Variants in DLG2 observed in about 807,000 individuals in gnomAD.
DLG2 encodes disks large homolog 2.
Under a neutral mutation model 132.5 loss-of-function variants are expected in DLG2, and 45 were observed. The observed-to-expected ratio is 0.34, with a 90% CI of 0.27 to 0.44. The LOEUF is 0.44. Among genes scored for constraint, DLG2 ranks in the 20% least tolerant of loss-of-function variants. DLG2 has a pLI of 1.00. For missense variants in DLG2, 1,045 were observed against 1,196.9 expected (o/e 0.87, Z 1.87); for synonymous variants, 424 against 419.6 (o/e 1.01, Z -0.13).
At chr11:85,234,405 C>A (rs1190400739) in intron 4 of DLG2, among the ~76,000 whole-genome samples, 1 of 151,906 alleles carries the variant, frequency 6.6e-6, no homozygotes, top group Non-Finnish European at 1.5e-5. Context: ...TGTTTGTTAT[C>A]TCTAGGTGTA....
intron 6 of DLG2, among the ~76,000 whole-genome samples, chr11:84,793,086 T>A (rs917420884): frequency 2.6e-5 from 4 of 152,158 alleles, no homozygotes; most frequent in Non-Finnish European, 1.5e-5. Flanking sequence ...TTTCACTGTA[T>A]CCCATAGGTT....
intron 21 of DLG2, among the ~76,000 whole-genome samples, chr11:83,525,662 G>T (rs2095589186): frequency 6.6e-6 from 1 of 152,176 alleles, no homozygotes; most frequent in African/African-American, 2.4e-5. Flanking sequence ...GCCCCCTGGA[G>T]TGCAGCAGTA....
intron 18 of DLG2, among the ~76,000 whole-genome samples, chr11:83,751,504 A>ACT (rs1412563012): frequency 6.6e-6 from 1 of 152,214 alleles, no homozygotes; most frequent in East Asian, 1.9e-4. Flanking sequence ...GACCATTAGG[A>ACT]GTCAGTTGCA....
intron 3 of DLG2, among the ~76,000 whole-genome samples, chr11:85,595,626 T>C (rs938667143): frequency 6.6e-6 from 1 of 152,116 alleles, no homozygotes; most frequent in East Asian, 1.9e-4. Context: ...CTCTCAGTTA[T>C]TGGCAAATAA....
In DLG2 at chr11:84,050,126, T is replaced by C. The variant is rs565557711; in HGVS notation, c.919+9189A>G. On this transcript the variant is annotated intron_variant, in intron 11 of 27. Transcript: ENST00000376104. ...GATCACAGAGTGCCTAAAATGCTAC[T>C]TACTGGCAATGAAAAACTACTGGAG... 8.0e-4 allele frequency among the ~76,000 whole-genome samples: 119 copies of C among 149,088 alleles called. 1 individual carries two copies. The Middle Eastern group carries it at 0.011, about 13-fold the overall frequency.
At chr11:84,171,210 A>C (rs1387612646) in intron 8 of DLG2, among the ~76,000 whole-genome samples, 1 of 152,150 alleles carries the variant, frequency 6.6e-6, no homozygotes, top group Non-Finnish European at 1.5e-5. Context: ...GAGGAGGCTG[A>C]TGTTCTTTAC....
At chr11:84,262,156 C>G (rs1030531569) in intron 7 of DLG2, among the ~76,000 whole-genome samples, 5 of 152,134 alleles carry the variant, frequency 3.3e-5, no homozygotes, top group Admixed American at 3.3e-4. Flanking sequence ...ACCTGTAACA[C>G]AACTTACCCA....
At chr11:84,836,086 C>T (rs1357680248) in intron 6 of DLG2, among the ~76,000 whole-genome samples, 1 of 151,718 alleles carries the variant, frequency 6.6e-6, no homozygotes, top group South Asian at 2.1e-4. Flanking sequence ...GAGGCAGTTA[C>T]TCAGTGTCTT....
At chr11:84,562,667 G>A (rs945468529) in intron 6 of DLG2, among the ~76,000 whole-genome samples, 1 of 151,782 alleles carries the variant, frequency 6.6e-6, no homozygotes, top group African/African-American at 2.4e-5. Flanking sequence ...TTGTGTTACA[G>A]TAACAATGCA....
intron 3 of DLG2, among the ~76,000 whole-genome samples, chr11:85,551,774 G>T (rs1393437097): frequency 6.6e-6 from 1 of 152,022 alleles, no homozygotes; most frequent in Non-Finnish European, 1.5e-5. Context: ...GTGCCACAAT[G>T]AGTAGCTGAT....
Position 84,839,820 on chromosome 11 carries a change from A to T in DLG2, c.357+271841T>A, listed in dbSNP as rs558680838. 1.6e-4 allele frequency among the ~76,000 whole-genome samples: 25 copies of T among 152,224 alleles called. 1 individual carries two copies. Among genetic ancestry groups the T allele is most frequent in the African/African-American group, 5.1e-4 (21 of 41,540 alleles). ...AGCTGAAACTGGATCCCTTCCTTAC[A>T]CCTTATACAAAAATTAATTCGAGAT... On this transcript the variant is annotated intron_variant, in intron 6 of 27. Transcript: ENST00000376104.
chr11:84,519,330 G>T (rs530065949), intron 7 of DLG2, among the ~76,000 whole-genome samples: 1 of 152,202 alleles, frequency 6.6e-6, no homozygotes, highest in East Asian at 1.9e-4. Context: ...GCAAGTTGAT[G>T]GGGCAATTTG....
At chr11:83,577,895 G>A (rs1317864357) in intron 19 of DLG2, among the ~76,000 whole-genome samples, 2 of 105,348 alleles carry the variant, frequency 1.9e-5, no homozygotes, top group South Asian at 2.9e-4. Context: ...TATATAAATG[G>A]AAGTTTATAT....
intron 11 of DLG2, among the ~76,000 whole-genome samples, chr11:84,025,209 A>G (rs1289133445): frequency 2.6e-5 from 4 of 152,120 alleles, no homozygotes; most frequent in African/African-American, 9.7e-5. Flanking sequence ...TCAGTGCTAC[A>G]TGGCTGGGGA....
At chr11:83,680,162 A>G (rs980938339) in intron 18 of DLG2, among the ~76,000 whole-genome samples, 4 of 152,130 alleles carry the variant, frequency 2.6e-5, no homozygotes, top group Non-Finnish European at 5.9e-5. Context: ...TGGGTGGAGA[A>G]AATAGAAAAA....
chr11:83,511,052 T>C (rs2094992869), intron 21 of DLG2, among the ~76,000 whole-genome samples: 1 of 136,588 alleles, frequency 7.3e-6, no homozygotes, highest in African/African-American at 2.7e-5. Context: ...AAACCCTCTC[T>C]GTCTTCCTCT....
intron 9 of DLG2, among the ~76,000 whole-genome samples, chr11:84,130,222 A>T (rs1314924622): frequency 6.6e-6 from 1 of 151,976 alleles, no homozygotes; most frequent in Non-Finnish European, 1.5e-5. Context: ...AAAATTAATA[A>T]AATGTTTCAA....
intron 18 of DLG2, among the ~76,000 whole-genome samples, chr11:83,637,608 T>C (rs143326331): frequency 2.4e-3 from 372 of 152,300 alleles, no homozygotes; most frequent in African/African-American, 8.5e-3. Context: ...CCATTTTGTT[T>C]CCATGACATC....
At chr11:84,891,640 T>A (rs1173162161) in intron 6 of DLG2, among the ~76,000 whole-genome samples, 1 of 152,212 alleles carries the variant, frequency 6.6e-6, no homozygotes, top group Non-Finnish European at 1.5e-5. Context: ...TACAGCCATA[T>A]GTTTTAAAAG....
Sources: gnomAD v4.1 joint callset for allele counts (sites outside exome capture counted in the v4.1 genomes callset) on GRCh38, gnomAD v4.1.1 for gene constraint, MANE v1.5 for transcripts, NCBI Gene and HGNC (gene_info 2026-07-23, HGNC 2026-07-21) for gene names.